LRRIQ3: variants seen among roughly 807,000 people sequenced by gnomAD.
LRRIQ3 encodes the protein leucine rich repeats and IQ motif containing 3, also known as leucine-rich repeat and IQ domain-containing protein 3.
A neutral mutation model predicts 59.3 loss-of-function variants in LRRIQ3; 75 were observed. The observed-to-expected ratio is 1.26, with a 90% CI of 1.05 to 1.53. LRRIQ3 has a LOEUF of 1.53. Ranked by LOEUF, LRRIQ3 falls within the 40% of genes most tolerant of loss-of-function variation. The pLI is 0.00. For missense variants in LRRIQ3, 831 were observed against 710.0 expected, an observed-to-expected ratio of 1.17 and a Z score of -1.94; for synonymous variants, 250 against 231.3, an observed-to-expected ratio of 1.08 and a Z score of -0.73.
At chr1:74,031,580 G>A (rs1653717746) in intron 7 of LRRIQ3, among the ~76,000 whole-genome samples, 1 of 148,090 alleles carries the variant, frequency 6.8e-6, no homozygotes, top group Non-Finnish European at 1.5e-5. Flanking sequence ...CTTGAACACA[G>A]GAAGGGGAAC....
intron 7 of LRRIQ3, among the ~76,000 whole-genome samples, chr1:74,038,529 T>C (rs1423977365): frequency 6.6e-6 from 1 of 152,152 alleles, no homozygotes; most frequent in Non-Finnish European, 1.5e-5. Context: ...TAAACAGGGA[T>C]TGTCAGACAC....
At chr1:74,156,919 T>C (rs540028407) in intron 3 of LRRIQ3, among the ~76,000 whole-genome samples, 105 of 152,216 alleles carry the variant, frequency 6.9e-4, no homozygotes, top group African/African-American at 2.5e-3. Flanking sequence ...GACAATTGCA[T>C]TGTTCATGAA....
chr1:74,122,932 TGA>T (rs1208096863), intron 4 of LRRIQ3, among the ~76,000 whole-genome samples: 7 of 152,172 alleles, frequency 4.6e-5, no homozygotes, highest in Non-Finnish European at 1.5e-5. Flanking sequence ...TCTACTCATC[TGA>T]CAAAGAGCTA....
At chr1:74,171,228 G>A (rs1649303104) in intron 3 of LRRIQ3, among the ~76,000 whole-genome samples, 1 of 151,632 alleles carries the variant, frequency 6.6e-6, no homozygotes, top group African/African-American at 2.4e-5. Flanking sequence ...CATATCTTAG[G>A]AAAAAAAACT....
chr1:74,118,676 GA>G (rs1258533471), intron 4 of LRRIQ3, among the ~76,000 whole-genome samples: 6 of 151,330 alleles, frequency 4.0e-5, no homozygotes, highest in African/African-American at 4.9e-5. Flanking sequence ...AGAACCAGTA[GA>G]AAAAAAATAT....
chr1:74,173,356 A>C (rs1649445513), intron 3 of LRRIQ3, among the ~76,000 whole-genome samples: 1 of 150,734 alleles, frequency 6.6e-6, no homozygotes, highest in Admixed American at 6.6e-5. Context: ...AGTTTAATCC[A>C]TTTACACTTA....
chr1:74,097,325 A>G (rs1285657411), intron 5 of LRRIQ3, among the ~76,000 whole-genome samples: 1 of 152,170 alleles, frequency 6.6e-6, no homozygotes, highest in Non-Finnish European at 1.5e-5. Context: ...TTGAAGATCA[A>G]ATGAATGAAA....
chr1:74,110,054 A>T (rs1293422898), intron 4 of LRRIQ3, among the ~76,000 whole-genome samples: 2 of 151,800 alleles, frequency 1.3e-5, no homozygotes, highest in African/African-American at 4.8e-5. Flanking sequence ...GATTAGCCAC[A>T]CTAAAAAAAA....
intron 7 of LRRIQ3, among the ~76,000 whole-genome samples, chr1:74,029,145 T>A (rs1422090831): frequency 6.6e-6 from 1 of 152,112 alleles, no homozygotes; most frequent in Non-Finnish European, 1.5e-5. Flanking sequence ...AGATATACAA[T>A]CACGTCATCT....
At chr1:74,120,157 C>T (rs1198865170) in intron 4 of LRRIQ3, among the ~76,000 whole-genome samples, 3 of 149,762 alleles carry the variant, frequency 2.0e-5, no homozygotes, top group East Asian at 3.9e-4. Flanking sequence ...CCTGCTGTGT[C>T]GCCAAGCTGG....
rs1170217882 is a variant in LRRIQ3 at position 74,198,128 on chromosome 1, C to T, written c.-133G>A. 7.0e-7 allele frequency: 1 copy of T among 1,437,138 alleles called. No individual in the cohort carries two copies. The highest frequency in any genetic ancestry group is 9.2e-7 in the Non-Finnish European group (1 of 1,087,448). 89.0% of individuals were successfully genotyped at this position (1,437,138 alleles called of 1,614,324 possible). A position where few individuals can be genotyped will look rare whatever the true frequency, so the allele number is the denominator to read the frequency against. On this transcript the variant is annotated 5_prime_UTR_variant, in exon 1 of 8. An upstream open reading frame in the 5' UTR gains an earlier in-frame stop. Coordinates refer to ENST00000354431, the MANE Select transcript of LRRIQ3 (RefSeq NM_001105659.2). ...GAAACAAGACAACATCCAAGTTCTCCACATCATGGTTTTCCGGGCGCCAGC... is the reference window on the plus strand; with the variant it reads ...GAAACAAGACAACATCCAAGTTCTCTACATCATGGTTTTCCGGGCGCCAGC...
intron 5 of LRRIQ3, chr1:74,082,826 T>A (rs889687839): frequency 6.6e-6 from 1 of 151,658 alleles, no homozygotes; most frequent in Non-Finnish European, 1.5e-5. Flanking sequence ...CACATATTGA[T>A]AAATTATGAA....
intron 4 of LRRIQ3, among the ~76,000 whole-genome samples, chr1:74,115,729 AC>A (rs1280101397): frequency 6.6e-6 from 1 of 152,114 alleles, no homozygotes; most frequent in African/African-American, 2.4e-5. Context: ...AGGCTAAAAA[AC>A]AGGAGAATTT....
chr1:74,125,552 T>C (rs1646923242), intron 4 of LRRIQ3, among the ~76,000 whole-genome samples: 1 of 151,912 alleles, frequency 6.6e-6, no homozygotes. Context: ...TTTAGGTTTT[T>C]ATCATAAAGG....
chr1:74,172,022 C>CT (rs1320963587), intron 3 of LRRIQ3, among the ~76,000 whole-genome samples: 3 of 151,866 alleles, frequency 2.0e-5, no homozygotes, highest in Non-Finnish European at 4.4e-5. Flanking sequence ...GTTATTATTG[C>CT]TGAGTTTGTC....
At chr1:74,096,958 A>G (rs576105665) in intron 5 of LRRIQ3, among the ~76,000 whole-genome samples, 2 of 152,098 alleles carry the variant, frequency 1.3e-5, no homozygotes, top group Admixed American at 1.3e-4. Flanking sequence ...GTCTCCCCCT[A>G]CTGGGGGATG....
chr1:74,096,526 C>T (rs752907226), intron 5 of LRRIQ3, among the ~76,000 whole-genome samples: 23 of 152,156 alleles, frequency 1.5e-4, no homozygotes, highest in African/African-American at 4.1e-4. Context: ...GAAGTATAAT[C>T]GTCTGAAGCC....
At chr1:74,137,969 C>T (rs1425072076) in intron 4 of LRRIQ3, among the ~76,000 whole-genome samples, 1 of 151,688 alleles carries the variant, frequency 6.6e-6, no homozygotes, top group South Asian at 2.1e-4. Context: ...GAAGGGATAG[C>T]ATTAGGAGAA....
chr1:74,169,438 T>C (rs923495170), intron 3 of LRRIQ3, among the ~76,000 whole-genome samples: 2 of 152,196 alleles, frequency 1.3e-5, no homozygotes, highest in Non-Finnish European at 2.9e-5. Context: ...GAAGTAGAAA[T>C]GCTGGATCAT....
Sources: gnomAD v4.1 joint callset for allele counts (sites outside exome capture counted in the v4.1 genomes callset) on GRCh38, gnomAD v4.1.1 for gene constraint, MANE v1.5 for transcripts, NCBI Gene and HGNC (gene_info 2026-07-23, HGNC 2026-07-21) for gene names.